TIAM1: variants seen among roughly 807,000 people sequenced by gnomAD.
TIAM1 encodes TIAM Rac1 associated GEF 1.
Under a neutral mutation model 163.5 loss-of-function variants are expected in TIAM1, and 65 were observed. The observed-to-expected ratio is 0.40, with a 90% CI of 0.33 to 0.49. The LOEUF is 0.49. TIAM1 is among the 20% of genes least tolerant of loss of function. The probability of loss-of-function intolerance (pLI) is 0.77; values close to 1 mark genes in which losing one functional copy is unlikely to be tolerated. For missense variants in TIAM1, 1,789 were observed against 2,044.7 expected (o/e 0.87, Z 2.41); for synonymous variants, 833 against 810.1 (o/e 1.03, Z -0.48).
intron 2 of TIAM1, among the ~76,000 whole-genome samples, chr21:31,450,514 C>T (rs1268816896): frequency 6.6e-6 from 1 of 152,148 alleles, no homozygotes; most frequent in Non-Finnish European, 1.5e-5. Context: ...AAATGCAGAG[C>T]ACATACCCAA....
At chr21:31,322,921 C>T (rs2075363907) in intron 2 of TIAM1, among the ~76,000 whole-genome samples, 2 of 152,236 alleles carry the variant, frequency 1.3e-5, no homozygotes, top group South Asian at 4.1e-4. Context: ...AAGCGCCCCT[C>T]AGGGAACTCG....
chr21:31,153,220 T>C, intron 17 of TIAM1, 86 bp from the exon 18 acceptor site: 1 of 1,128,756 alleles, frequency 8.9e-7, no homozygotes, highest in Admixed American at 2.4e-5. Flanking sequence ...TATGTTAATG[T>C]CTATAAAAGG....
intron 2 of TIAM1, among the ~76,000 whole-genome samples, chr21:31,325,262 G>A (rs1394756408): frequency 6.6e-6 from 1 of 150,802 alleles, no homozygotes; most frequent in African/African-American, 2.4e-5. Flanking sequence ...ACTCTAGCCT[G>A]GGTGACAGAG....
At chr21:31,199,962 C>T (rs933393066) in intron 12 of TIAM1, among the ~76,000 whole-genome samples, 6 of 151,728 alleles carry the variant, frequency 4.0e-5, no homozygotes, top group Admixed American at 3.9e-4. Flanking sequence ...AGCAACAAGA[C>T]CCACTGCAGA....
chr21:31,488,279 C>A (rs906793666), intron 1 of TIAM1, among the ~76,000 whole-genome samples: 2 of 152,298 alleles, frequency 1.3e-5, no homozygotes, highest in Admixed American at 1.3e-4. Context: ...GTTTCACAGA[C>A]TGGGAAACTG....
intron 4 of TIAM1, 63 bp from the exon 5 acceptor site, chr21:31,252,252 C>G: frequency 6.5e-7 from 1 of 1,534,626 alleles, no homozygotes; most frequent in Non-Finnish European, 8.8e-7. Flanking sequence ...CCCAGGGTCA[C>G]GTGGAGAAGA....
Position 31,473,528 on chromosome 21 carries a change from T to G in TIAM1, c.-421-9493A>C, listed in dbSNP as rs1018926998. The stretch of plus-strand genomic sequence containing the variant: ...CAGGTTGATTTAAGGTTAATTTTGT[T>G]TTTTTTTGCTGTTGGAGTAATTTTC... On this transcript the variant is annotated intron_variant, in intron 1 of 28. Transcript: ENST00000286827. Among the ~76,000 whole-genome samples the G allele has an allele frequency of 2.4e-3, 40 of 16,390 alleles. 1 individual carries two copies. Among genetic ancestry groups the G allele is most frequent in the African/African-American group, 0.011 (35 of 3,150 alleles). The allele number at this position is 16,390 out of a possible 152,430, so 10.8% of individuals were successfully genotyped here. A position where few individuals can be genotyped will look rare whatever the true frequency, so the allele number is the denominator to read the frequency against.
intron 2 of TIAM1, among the ~76,000 whole-genome samples, chr21:31,439,355 T>C (rs2044337025): frequency 6.6e-6 from 1 of 152,238 alleles, no homozygotes; most frequent in East Asian, 1.9e-4. Context: ...AGTGGCACGA[T>C]CTCGGCTCAC....
chr21:31,403,818 TAGAC>T (rs1273872604), intron 2 of TIAM1, among the ~76,000 whole-genome samples: 2 of 152,012 alleles, frequency 1.3e-5, no homozygotes, highest in Non-Finnish European at 2.9e-5. Flanking sequence ...AAAAATGAAT[TAGAC>T]AGTCCCTGCC....
intron 2 of TIAM1, among the ~76,000 whole-genome samples, chr21:31,301,705 T>A (rs1368893937): frequency 6.6e-6 from 1 of 151,922 alleles, no homozygotes; most frequent in Non-Finnish European, 1.5e-5. Flanking sequence ...CTGGGCATGG[T>A]GGCACACAAC....
intron 2 of TIAM1, among the ~76,000 whole-genome samples, chr21:31,294,790 T>A (rs1023339325): frequency 3.3e-5 from 5 of 152,188 alleles, no homozygotes; most frequent in African/African-American, 9.6e-5. Flanking sequence ...CAAAATAACA[T>A]CAGCCTTCTG....
chr21:31,258,547 T>C (rs997429221), intron 4 of TIAM1, among the ~76,000 whole-genome samples: 1 of 152,182 alleles, frequency 6.6e-6, no homozygotes, highest in Non-Finnish European at 1.5e-5. Context: ...GAAAGATATA[T>C]TAGGCTGGAC....
At chr21:31,287,216 A>G (rs1010213461) in intron 2 of TIAM1, among the ~76,000 whole-genome samples, 3 of 152,212 alleles carry the variant, frequency 2.0e-5, no homozygotes, top group Non-Finnish European at 2.9e-5. Flanking sequence ...TATGAAAAAG[A>G]GTATATAAAA....
intron 2 of TIAM1, among the ~76,000 whole-genome samples, chr21:31,405,735 C>T (rs1224579956): frequency 1.3e-5 from 2 of 152,150 alleles, no homozygotes; most frequent in Non-Finnish European, 2.9e-5. Context: ...GCCCCGCCCC[C>T]ATGATTTAAT....
intron 2 of TIAM1, among the ~76,000 whole-genome samples, chr21:31,378,128 C>T (rs562422209): frequency 2.3e-3 from 296 of 128,068 alleles, no homozygotes; most frequent in African/African-American, 8.8e-3. Flanking sequence ...AAGAGCGAAA[C>T]TCTGTCTCAA....
chr21:31,479,782 C>A lies in TIAM1; in HGVS notation c.-421-15747G>T, dbSNP rs12482643. ...CAAAGTCCTCCAAGTGGGCTGTTCCCCCATATCTCCACATTGATACACTTC... is the reference window on the plus strand; with the variant it reads ...CAAAGTCCTCCAAGTGGGCTGTTCCACCATATCTCCACATTGATACACTTC... On this transcript the variant is annotated intron_variant, in intron 1 of 28. Transcript: ENST00000286827. 3.9e-3 allele frequency among the ~76,000 whole-genome samples: 595 copies of A among 152,174 alleles called. 4 individuals are homozygous for A. Among genetic ancestry groups the A allele is most frequent in the African/African-American group, 0.013 (556 of 41,530 alleles).
rs540482958 is a variant in TIAM1, at chr21:31,280,792, A to G, written c.-188-3884T>C. 1.3e-4 allele frequency among the ~76,000 whole-genome samples: 18 copies of G among 140,310 alleles called. No individual in the cohort carries two copies. In the South Asian group the frequency reaches 4.6e-3, roughly 36 times the overall value. 92.0% of individuals were successfully genotyped at this position (140,310 alleles called of 152,430 possible). A position where few individuals can be genotyped will look rare whatever the true frequency, so the allele number is the denominator to read the frequency against. On this transcript the variant is annotated intron_variant, in intron 2 of 27. Transcript: ENST00000541036. ...CTGCCAAACCAGAACTTTCTTTTTC[A>G]CCTTCAAAGTGTCAAAGACACTTGG...
chr21:31,145,035 C>A (rs1479651195), intron 20 of TIAM1, among the ~76,000 whole-genome samples: 5 of 151,808 alleles, frequency 3.3e-5, no homozygotes, highest in Admixed American at 2.6e-4. Flanking sequence ...CACTGTGGAG[C>A]AAAGCACTCT....
intron 1 of TIAM1, among the ~76,000 whole-genome samples, chr21:31,543,490 G>C (rs566542097): frequency 1.4e-5 from 2 of 145,504 alleles, no homozygotes; most frequent in African/African-American, 4.9e-5. Context: ...ACCCAAGCTA[G>C]ACTATAACAA....
Sources: gnomAD v4.1 joint callset for allele counts (sites outside exome capture counted in the v4.1 genomes callset) on GRCh38, gnomAD v4.1.1 for gene constraint, MANE v1.5 for transcripts, NCBI Gene and HGNC (gene_info 2026-07-23, HGNC 2026-07-21) for gene names.